CHD6: variants seen among roughly 807,000 people sequenced by gnomAD.
The protein encoded by CHD6 is chromodomain helicase DNA binding protein 6.
CHD6 carries 50 observed loss-of-function variants against 276.9 expected under a neutral mutation model. The ratio of observed to expected loss-of-function variants is 0.18; its 90% CI spans 0.14 to 0.23. The LOEUF (loss-of-function observed/expected upper bound fraction) is 0.23. Ranked by LOEUF, CHD6 falls within the 10% of genes least tolerant of loss-of-function variation. CHD6 has a pLI of 1.00. For missense variants in CHD6, 2,564 were observed against 3,365.8 expected, an observed-to-expected ratio of 0.76 and a Z score of 5.89; for synonymous variants, 1,173 against 1,229.3, an observed-to-expected ratio of 0.95 and a Z score of 0.96.
At chr20:41,569,070 A>G (rs945152317) in intron 1 of CHD6, among the ~76,000 whole-genome samples, 3 of 152,226 alleles carry the variant, frequency 2.0e-5, no homozygotes, top group Non-Finnish European at 2.9e-5. Context: ...GGGAAAATAC[A>G]TAGAGCAGGA....
chr20:41,456,005 AC>A, intron 18 of CHD6, 26 bp from the exon 19 acceptor site: 1 of 1,482,306 alleles, frequency 6.7e-7, no homozygotes, highest in Non-Finnish European at 9.0e-7. Flanking sequence ...AAGGCTACTC[AC>A]AAAGTGGAAA....
At chr20:41,562,307 T>C (rs1344980299) in intron 1 of CHD6, among the ~76,000 whole-genome samples, 1 of 152,172 alleles carries the variant, frequency 6.6e-6, no homozygotes, top group Non-Finnish European at 1.5e-5. Flanking sequence ...AAATGACAAA[T>C]GGTTACTCTT....
chr20:41,559,831 C>G (rs563931828), intron 1 of CHD6, among the ~76,000 whole-genome samples: 1 of 152,016 alleles, frequency 6.6e-6, no homozygotes, highest in Non-Finnish European at 1.5e-5. Flanking sequence ...CAAAGAACCC[C>G]ACAACTCTTC....
At chr20:41,467,653 G>C (rs2042956953) in intron 17 of CHD6, among the ~76,000 whole-genome samples, 1 of 151,468 alleles carries the variant, frequency 6.6e-6, no homozygotes, top group African/African-American at 2.4e-5. Flanking sequence ...ACTGCTTGAG[G>C]CCAGGGGTTT....
chr20:41,559,147 G>GACACACACACAC (rs58169591), intron 1 of CHD6, among the ~76,000 whole-genome samples: 281 of 148,268 alleles, frequency 1.9e-3, no homozygotes, highest in African/African-American at 5.4e-3. Context: ...GCCTGTTCCT[G>GACACACACACAC]ACACACACAC....
chr20:41,560,273 G>A (rs558128984), intron 1 of CHD6, among the ~76,000 whole-genome samples: 2 of 152,206 alleles, frequency 1.3e-5, no homozygotes, highest in African/African-American at 2.4e-5. Flanking sequence ...CTGCATAAGC[G>A]ATCTGGCCTC....
chr20:41,450,822 C>T lies in CHD6; in HGVS notation c.3683+124G>A, dbSNP rs2048215804. 3.4e-6 allele frequency: 3 copies of T among 870,964 alleles called. No individual in the cohort carries two copies. In the South Asian group the frequency reaches 5.1e-5, roughly 15 times the overall value. 54.0% of individuals were successfully genotyped at this position (870,964 alleles called of 1,614,324 possible). A position where few individuals can be genotyped will look rare whatever the true frequency, so the allele number is the denominator to read the frequency against. ...CAGCTTAGACCACAGATAACACATC[C>T]TGTCTTTCTAGACCTTGCACAGAAG... On this transcript the variant is annotated intron_variant, in intron 23 of 36. Transcript: ENST00000373233.
chr20:41,458,439 CCTCT>C (rs1019926657), intron 17 of CHD6, among the ~76,000 whole-genome samples: 1 of 152,244 alleles, frequency 6.6e-6, no homozygotes, highest in Non-Finnish European at 1.5e-5. Context: ...CTCATGGGAG[CCTCT>C]CTAAGTTGGC....
At chr20:41,553,596 A>C (rs1417428751) in intron 1 of CHD6, among the ~76,000 whole-genome samples, 1 of 152,258 alleles carries the variant, frequency 6.6e-6, no homozygotes, top group Admixed American at 6.5e-5. Context: ...GCTCCAGCCA[A>C]TGGATGCAGG....
intron 17 of CHD6, among the ~76,000 whole-genome samples, chr20:41,472,037 C>T (rs895898344): frequency 1.3e-5 from 2 of 149,596 alleles, no homozygotes; most frequent in African/African-American, 2.5e-5. Flanking sequence ...AGTTCAAGAC[C>T]GGCATGCCCA....
intron 1 of CHD6, among the ~76,000 whole-genome samples, chr20:41,554,435 C>T (rs1019832516): frequency 6.6e-6 from 1 of 151,352 alleles, no homozygotes; most frequent in Admixed American, 6.6e-5. Flanking sequence ...GTGTTTCTCG[C>T]AGAGGGGGAT....
At chr20:41,466,210 A>G (rs577240990) in intron 17 of CHD6, among the ~76,000 whole-genome samples, 87 of 152,354 alleles carry the variant, frequency 5.7e-4, no homozygotes, top group Middle Eastern at 3.4e-3. Context: ...CCAAAAAAAC[A>G]AAAACAAAAA....
intron 17 of CHD6, among the ~76,000 whole-genome samples, chr20:41,466,489 C>A (rs987539641): frequency 6.6e-6 from 1 of 152,130 alleles, no homozygotes; most frequent in Admixed American, 6.5e-5. Context: ...TATTATAATT[C>A]GTTGCTGGAC....
At chr20:41,444,340 A>G (rs1463590968) in intron 25 of CHD6, among the ~76,000 whole-genome samples, 1 of 152,234 alleles carries the variant, frequency 6.6e-6, no homozygotes, top group Non-Finnish European at 1.5e-5. Flanking sequence ...ATAAAAATAC[A>G]CTTGCTCAGT....
chr20:41,423,289 A>G (rs2047255178), intron 30 of CHD6, among the ~76,000 whole-genome samples: 1 of 152,206 alleles, frequency 6.6e-6, no homozygotes, highest in African/African-American at 2.4e-5. Context: ...CTTTCACTGA[A>G]GTTACATCAT....
chr20:41,589,526 G>A (rs1034958486), intron 1 of CHD6, among the ~76,000 whole-genome samples: 1 of 152,170 alleles, frequency 6.6e-6, no homozygotes, highest in African/African-American at 2.4e-5. Context: ...AAAGTCGCAG[G>A]ATAGAAAATC....
intron 2 of CHD6, among the ~76,000 whole-genome samples, chr20:41,541,699 G>A (rs577974279): frequency 7.2e-5 from 11 of 152,320 alleles, no homozygotes; most frequent in African/African-American, 2.6e-4. Flanking sequence ...TTTCAAGACA[G>A]AATCATCGCA....
At chr20:41,615,467 G>A (rs2045926264) in intron 1 of CHD6, among the ~76,000 whole-genome samples, 1 of 152,060 alleles carries the variant, frequency 6.6e-6, no homozygotes, top group South Asian at 2.1e-4. Flanking sequence ...GCAATCCTAT[G>A]GAATTCACTC....
chr20:41,575,994 T>C lies in CHD6; in HGVS notation c.-23-24634A>G, dbSNP rs183817065. ...TTATTTTGAAGAAACAGTAATATCA[T>C]CTCTATTTACTGAGTTATTTATTCT... On this transcript the variant is annotated intron_variant, in intron 1 of 36. Transcript: ENST00000373233. Among the ~76,000 whole-genome samples, 51 of 152,302 alleles carry C rather than the reference T, an allele frequency of 3.3e-4. No homozygotes were observed. The East Asian group carries it at 4.2e-3, about 13-fold the overall frequency.
Sources: allele counts gnomAD v4.1 joint callset (sites outside exome capture counted in the v4.1 genomes callset), GRCh38; gene constraint gnomAD v4.1.1; transcripts MANE v1.5; gene names NCBI Gene and HGNC (gene_info 2026-07-23, HGNC 2026-07-21).